NACAD: variants seen among roughly 807,000 people sequenced by gnomAD.
NACAD encodes the protein NAC-alpha domain-containing protein 1.
In NACAD, 47 loss-of-function variants were observed where a neutral mutation model predicts 98.9. That is an observed-to-expected ratio of 0.48 (90% CI 0.38 to 0.61). The LOEUF (loss-of-function observed/expected upper bound fraction) is 0.61, where lower values mean the gene tolerates loss of function less well. Among genes scored for constraint, NACAD ranks in the 20% least tolerant of loss-of-function variants. NACAD has a pLI of 0.00. For missense variants in NACAD, 1,412 were observed against 1,748.2 expected (o/e 0.81, Z 3.43); for synonymous variants, 696 against 767.2 (o/e 0.91, Z 1.53).
rs141784618 is a variant in NACAD at position 45,086,101 on chromosome 7, C to G, written c.79G>C (p.Asp27His). 31 of 1,535,688 alleles carry G rather than the reference C, an allele frequency of 2.0e-5. No individual in the cohort carries two copies. In the African/African-American group the frequency reaches 4.1e-4, roughly 20 times the overall value. Residue 27 changes from aspartate to histidine, a missense_variant, in exon 2 of 8, where the codon GAT (aspartate) becomes CAT (histidine). Around this residue, in one of 5 missense-constraint regions of NACAD, gnomAD observed 638 missense variants for 722.7 expected, o/e 0.88. Transcript: ENST00000490531. The stretch of plus-strand genomic sequence containing the variant: ...AGGATGGTGGTGGCAGCGGCCGCAT[C>G]GCAGGACAGATCTGTGGAGATAGAG... The part of the protein sequence containing the change: ...RPGPRTDLSC[D>H]AAAATTILGG...
At position 45,082,366 on chromosome 7, in the gene NACAD, G is replaced by C; in HGVS notation, c.3814C>G (p.Pro1272Ala). The change falls in exon 2 of 8, where the codon CCG (proline) becomes GCG (alanine). Residue 1272 changes from proline to alanine, a missense_variant. Around this residue, in one of 5 missense-constraint regions of NACAD, gnomAD observed 572 missense variants for 639.6 expected, o/e 0.89. Coordinates refer to ENST00000490531, the MANE Select transcript of NACAD (RefSeq NM_001146334.2). This position sits in a 1 kb window ranked among gnomAD's most constrained non-coding sequence, Gnocchi z 4.5. ...GCAGGCTGGACTCCTGCCTGGGGCG[G>C]TGGGAGGCCCAGAGAGCCTGGGGGC... The part of the protein sequence containing the change: ...EEPPGSLGLP[P>A]PQAGVQPAAA... 2 of 1,550,252 alleles carry C rather than the reference G, an allele frequency of 1.3e-6. No homozygotes were observed. Among genetic ancestry groups the C allele is most frequent in the Non-Finnish European group, 1.7e-6 (2 of 1,146,914 alleles).
Position 45,084,863 on chromosome 7 carries a change from C to A in NACAD, c.1317G>T (p.Gly439=), listed in dbSNP as rs1468101890. Residue 439 remains glycine (G), a synonymous_variant, in exon 2 of 8, where the codon GGG becomes GGT. Transcript: ENST00000490531. ...CAGCCTCCACGGCCCAGGACACAGTCCCATCCTGAGCCTGCAGCCCCTTGG... is the reference window on the plus strand; with the variant it reads ...CAGCCTCCACGGCCCAGGACACAGTACCATCCTGAGCCTGCAGCCCCTTGG... ...GGAKGLQAQD[G]TVSWAVEAAP... The A allele has an allele frequency of 6.4e-7, 1 of 1,551,014 alleles. No homozygotes were observed. Among genetic ancestry groups the A allele is most frequent in the Non-Finnish European group, 8.7e-7 (1 of 1,146,878 alleles).
In NACAD at chr7:45,084,821, G is replaced by C; in HGVS notation, c.1359C>G (p.Asp453Glu). ...WAVEAAPQTS[D>E]RGAYLSQRQE... is the part of the protein sequence containing the mutation. ...GTCTCTGGGACAGATAGGCCCCTCT[G>C]TCTGAGGTCTGAGGAGCAGCCTCCA... The change falls in exon 2 of 8, where the codon GAC (aspartate) becomes GAG (glutamate). Residue 453 changes from aspartate to glutamate, a missense_variant. Transcript: ENST00000490531. 3 of 1,550,878 alleles carry C rather than the reference G, an allele frequency of 1.9e-6. No homozygotes were observed. The highest frequency in any genetic ancestry group is 1.7e-6 in the Non-Finnish European group (2 of 1,146,924).
Position 45,088,191 on chromosome 7 carries a change from C to T in NACAD, c.67+637G>A, listed in dbSNP as rs1216563412. ...TAGGCCCCGTAGACCCCATCAGCCT[C>T]CACCAGCATTTGTTGACCCAGCCTA... On this transcript the variant is annotated intron_variant, in intron 1 of 7. Coordinates refer to ENST00000490531, the MANE Select transcript of NACAD (RefSeq NM_001146334.2). The surrounding 1 kb of genome is among the most constrained non-coding windows in gnomAD (Gnocchi z 5.7). Among the ~76,000 whole-genome samples, 2 of 152,248 alleles carry T rather than the reference C, an allele frequency of 1.3e-5. No individual in the cohort carries two copies. Among genetic ancestry groups the T allele is most frequent in the African/African-American group, 4.8e-5 (2 of 41,468 alleles).
At position 45,082,954 on chromosome 7, in the gene NACAD, C is replaced by G; in HGVS notation, c.3226G>C (p.Val1076Leu). The G allele has an allele frequency of 6.4e-7, 1 of 1,551,086 alleles. No homozygotes were observed. Residue 1076 changes from valine to leucine, a missense_variant, in exon 2 of 8, where the codon GTT becomes CTT. Val to Leu is a conservative substitution (Grantham distance 32). This residue lies in a region of NACAD where 572 missense variants were observed against 639.6 expected (regional missense o/e 0.89). Transcript: ENST00000490531. The surrounding 1 kb of genome is among the most constrained non-coding windows in gnomAD (Gnocchi z 4.5). ...PDSPQKETLEVENQQEGGLKP... is the reference protein window; with the variant it reads ...PDSPQKETLELENQQEGGLKP... ...AGGCCTCCTTCCTGCTGGTTCTCAA[C>G]CTCCAGGGTCTCCTTTTGGGGTGAG...
chr7:45,081,749 G>A lies in NACAD; in HGVS notation c.4185+6C>T. On this transcript the variant is annotated splice_donor_region_variant and intron_variant, in intron 3 of 7. Transcript: ENST00000490531. ...AGAGGCCCACCCTCTTCCCTGGACT[G>A]GGCACCTGGGCTGGACACTGCACGG... is the stretch of plus-strand genomic sequence containing the variant. 6.4e-7 allele frequency: 1 copy of A among 1,551,174 alleles called. No homozygotes were observed. The highest frequency in any genetic ancestry group is 1.4e-5 in the African/African-American group (1 of 73,174).
rs772746601 is a variant in NACAD at position 45,080,875 on chromosome 7, C to T, written c.4551+1G>A. ...GAGGCCCTGGAGCCCCTGCACTTCACCTCTTCCTCCTCCTCCTCTTCCTCT... is the reference window on the plus strand; with the variant it reads ...GAGGCCCTGGAGCCCCTGCACTTCATCTCTTCCTCCTCCTCCTCTTCCTCT... On this transcript the variant is annotated splice_donor_variant, in intron 6 of 7. Transcript: ENST00000490531. LOFTEE classifies it high-confidence loss of function. 8 of 1,556,090 alleles carry T rather than the reference C, an allele frequency of 5.1e-6. No homozygotes were observed. The highest frequency in any genetic ancestry group is 7.0e-6 in the Non-Finnish European group (8 of 1,149,800).
In NACAD at chr7:45,085,774, G is replaced by C. The variant is rs564116904; in HGVS notation, c.406C>G (p.Arg136Gly). The change falls in exon 2 of 8, where the codon CGG (arginine) becomes GGG (glycine). Residue 136 changes from arginine (R) to glycine (G), a missense_variant. By Grantham distance (125) the Arg-to-Gly change is moderately radical. Coordinates refer to ENST00000490531, the MANE Select transcript of NACAD (RefSeq NM_001146334.2). The surrounding 1 kb of genome is among the most constrained non-coding windows in gnomAD (Gnocchi z 6.1). Reference sequence around the variant, plus strand: ...CCCTCCTGGTCCCTGAGCGCTGTCCGGGCAGCTCTGGGTGACAGGAGGGCC... The same window carrying C: ...CCCTCCTGGTCCCTGAGCGCTGTCCCGGCAGCTCTGGGTGACAGGAGGGCC... ...CQALLSPRAA[R>G]TALRDQEGGH... 5.2e-6 allele frequency: 8 copies of C among 1,546,588 alleles called. No individual in the cohort carries two copies. The highest frequency in any genetic ancestry group is 7.0e-6 in the Non-Finnish European group (8 of 1,145,084).
At chr7:45,081,312 C>T (rs549877555) in intron 4 of NACAD, 49 bp from the exon 5 acceptor site, 10 of 1,541,260 alleles carry the variant, frequency 6.5e-6, no homozygotes, top group East Asian at 4.9e-5. Context: ...TGACCCACGT[C>T]GGGGGAGGAG....
In NACAD at chr7:45,085,924, G is replaced by C. The variant is rs1379973781; in HGVS notation, c.256C>G (p.Pro86Ala). 1 of 1,543,664 alleles carries C rather than the reference G, an allele frequency of 6.5e-7. No individual in the cohort carries two copies. The highest frequency in any genetic ancestry group is 1.4e-5 in the African/African-American group (1 of 72,898). The change falls in exon 2 of 8, where the codon CCA becomes GCA. Residue 86 changes from proline to alanine, a missense_variant. Pro to Ala is a conservative substitution (Grantham distance 27). Around this residue, in one of 5 missense-constraint regions of NACAD, gnomAD observed 638 missense variants for 722.7 expected, o/e 0.88. Transcript: ENST00000490531. The surrounding 1 kb of genome is among the most constrained non-coding windows in gnomAD (Gnocchi z 6.1). ...ATGGGGCTTGGGCCGCCCTCCCCTG[G>C]GTCCGCCCAGGCCGAGGGTGCCCCA... ...PGGAPSAWAD[P>A]GEGGPSPMLL... is the part of the protein sequence containing the mutation.
intron 1 of NACAD, among the ~76,000 whole-genome samples, chr7:45,087,216 G>A (rs1784534410): frequency 6.6e-6 from 1 of 152,140 alleles, no homozygotes; most frequent in African/African-American, 2.4e-5. Context: ...ACTCTTACTG[G>A]CCTGTATTTT....
chr7:45,081,062 C>T (rs1362899250), intron 5 of NACAD, 40 bp from the exon 6 acceptor site: 14 of 1,550,558 alleles, frequency 9.0e-6, no homozygotes, highest in East Asian at 2.4e-5. Flanking sequence ...GAGCCTGTCC[C>T]CCCCTTGTCC....
At position 45,084,428 on chromosome 7, in the gene NACAD, C is replaced by T. The variant is rs750975971; in HGVS notation, c.1752G>A (p.Thr584=). Residue 584 remains threonine, a synonymous_variant, in exon 2 of 8, where the codon ACG becomes ACA. Transcript: ENST00000490531. ...CCTCTTTAGCCTGCCTGGGGACAAT[C>T]GTGGCTGCAGCTACAGGCTTTCTGC... is the stretch of plus-strand genomic sequence containing the variant. ...PSGRKPVAAA[T]IVPRQAKEDL... The T allele has an allele frequency of 3.0e-5, 46 of 1,551,708 alleles. 1 individual carries two copies. In the South Asian group the frequency reaches 4.5e-4, roughly 15 times the overall value.
In NACAD at chr7:45,082,434, C is replaced by T; in HGVS notation, c.3746G>A (p.Cys1249Tyr). 5.2e-6 allele frequency: 8 copies of T among 1,548,550 alleles called. No individual in the cohort carries two copies. Among genetic ancestry groups the T allele is most frequent in the South Asian group, 1.2e-5 (1 of 83,918 alleles). ...GTCTTCCTGGGGGTCCTGGCACAGG[C>T]AGGGGGCTGGGGGCTCCAGTGGGGG... ...ALPPLEPPAP[C>Y]LCQDPQEDSV... Residue 1249 changes from cysteine (C) to tyrosine (Y), a missense_variant, in exon 2 of 8, where the codon TGC (cysteine) becomes TAC (tyrosine). Physicochemically the swap from Cys to Tyr is radical, Grantham distance 194. Transcript: ENST00000490531. The surrounding 1 kb of genome is among the most constrained non-coding windows in gnomAD (Gnocchi z 4.5).
chr7:45,086,580 G>A (rs1296540059), intron 1 of NACAD, among the ~76,000 whole-genome samples: 3 of 152,222 alleles, frequency 2.0e-5, no homozygotes, highest in South Asian at 2.1e-4. Context: ...CCAGCACGAC[G>A]CGCGCAGCTC....
Position 45,086,009 on chromosome 7 carries a change from C to A in NACAD, c.171G>T (p.Leu57=). The A allele has an allele frequency of 1.3e-6, 2 of 1,535,848 alleles. No homozygotes were observed. The highest frequency in any genetic ancestry group is 8.7e-7 in the Non-Finnish European group (1 of 1,144,802). ...GGGGCCGGGCACCCGGCTTGCTGGG[C>A]AGGAACGTGAGGGCCAGGTGGCTGG... The part of the protein sequence containing the change: ...PGPSHLALTF[L]PSKPGARPQP... The change falls in exon 2 of 8, where the codon CTG becomes CTT. Residue 57 remains leucine (L), a synonymous_variant. Coordinates refer to ENST00000490531, the MANE Select transcript of NACAD (RefSeq NM_001146334.2).
Position 45,081,101 on chromosome 7 carries a change from C to G in NACAD, c.4404+16G>C, listed in dbSNP as rs1232212588. The G allele has an allele frequency of 3.9e-6, 6 of 1,551,126 alleles. No homozygotes were observed. The highest frequency in any genetic ancestry group is 1.4e-5 in the African/African-American group (1 of 73,056). ...ATCCCTCGGATCCCCCATTCCACCA[C>G]AGCCGCCACCCAGACCTTGGCCTCG... is the stretch of plus-strand genomic sequence containing the variant. On this transcript the variant is annotated intron_variant, in intron 5 of 7. Transcript: ENST00000490531.
chr7:45,083,065 C>T lies in NACAD; in HGVS notation c.3115G>A (p.Glu1039Lys). ...CTAGAAAGGGCTTCTGCTATTTCCT[C>T]CCCAGCACCAGAGGCCGGCTCAGGG... ...SLPEPASGAG[E>K]EIAEALSRPG... The change falls in exon 2 of 8, where the codon GAG (glutamate) becomes AAG (lysine). Residue 1039 changes from glutamate (E) to lysine (K), a missense_variant. Glu to Lys is a moderately conservative substitution (Grantham distance 56). Transcript: ENST00000490531. 5 of 1,550,888 alleles carry T rather than the reference C, an allele frequency of 3.2e-6. No individual in the cohort carries two copies. The highest frequency in any genetic ancestry group is 4.4e-6 in the Non-Finnish European group (5 of 1,147,010).
rs1336956266 is a variant in NACAD, at chr7:45,083,425, C to T, written c.2755G>A (p.Asp919Asn). Residue 919 changes from aspartate to asparagine, a missense_variant, in exon 2 of 8, where the codon GAC becomes AAC. By Grantham distance (23) the Asp-to-Asn change is conservative. Transcript: ENST00000490531. Reference protein sequence around the residue: ...QAEEGLTLPQDSAMTAPLPLQ... With the variant: ...QAEEGLTLPQNSAMTAPLPLQ... ...GGCAGAGGTGCTGTCATAGCGGAGT[C>T]CTGGGGTAAGGTGAGGCCCTCTTCA... is the stretch of plus-strand genomic sequence containing the variant. 18 of 1,549,774 alleles carry T rather than the reference C, an allele frequency of 1.2e-5. No homozygotes were observed. Among genetic ancestry groups the T allele is most frequent in the African/African-American group, 4.1e-5 (3 of 73,018 alleles).
Sources: allele counts gnomAD v4.1 joint callset (sites outside exome capture counted in the v4.1 genomes callset), GRCh38; gene constraint gnomAD v4.1.1; regional missense constraint gnomAD v4.1.1; non-coding constraint Gnocchi (gnomAD v3.1); transcripts MANE v1.5; gene names NCBI Gene and HGNC (gene_info 2026-07-23, HGNC 2026-07-21).